The following VAT1L variants were observed in gnomAD, a reference collection of about 807,000 sequenced individuals.
VAT1L encodes the protein putative NADPH-dependent quinone oxidoreductase VAT1L.
VAT1L carries 34 observed loss-of-function variants against 44.1 expected under a neutral mutation model. The observed-to-expected ratio is 0.77, with a 90% CI of 0.59 to 1.03. The LOEUF (loss-of-function observed/expected upper bound fraction) is 1.03, where lower values mean the gene tolerates loss of function less well. VAT1L is among the 50% of genes least tolerant of loss of function. VAT1L has a pLI of 0.00. For synonymous variants in VAT1L, 253 were observed against 202.2 expected (o/e 1.25, Z -2.13); for missense variants, 615 against 538.8 (o/e 1.14, Z -1.40).
At chr16:77,912,382 T>C (rs2017507911) in intron 7 of VAT1L, among the ~76,000 whole-genome samples, 1 of 151,896 alleles carries the variant, frequency 6.6e-6, no homozygotes, top group African/African-American at 2.4e-5. Flanking sequence ...AATGGGAAAA[T>C]GTTAATAATG....
chr16:77,975,633 G>A (rs868388606), intron 8 of VAT1L, among the ~76,000 whole-genome samples: 7 of 152,366 alleles, frequency 4.6e-5, no homozygotes, highest in African/African-American at 1.7e-4. Flanking sequence ...GGCAGGGGAA[G>A]TCGACTGCTA....
At chr16:77,944,269 TA>T (rs2017931286) in intron 7 of VAT1L, among the ~76,000 whole-genome samples, 1 of 152,162 alleles carries the variant, frequency 6.6e-6, no homozygotes, top group Non-Finnish European at 1.5e-5. Context: ...TTGGTCCCTC[TA>T]AAAGATGTGT....
chr16:77,885,239 G>A (rs1036368773), intron 7 of VAT1L, among the ~76,000 whole-genome samples: 2 of 152,212 alleles, frequency 1.3e-5, no homozygotes, highest in African/African-American at 4.8e-5. Context: ...TAGCTATCAC[G>A]ATGGACTTTG....
intron 5 of VAT1L, among the ~76,000 whole-genome samples, chr16:77,878,754 T>C (rs1016234196): frequency 6.6e-6 from 1 of 152,102 alleles, no homozygotes; most frequent in African/African-American, 2.4e-5. Flanking sequence ...AGGTACCCAG[T>C]CCAGGTCAGA....
At chr16:77,842,516 A>G (rs1438255468) in intron 3 of VAT1L, among the ~76,000 whole-genome samples, 1 of 152,220 alleles carries the variant, frequency 6.6e-6, no homozygotes, top group African/African-American at 2.4e-5. Context: ...TGGGGGAATG[A>G]TAGGTTAGCA....
chr16:77,946,430 C>A (rs908633347), intron 7 of VAT1L, among the ~76,000 whole-genome samples: 15 of 151,504 alleles, frequency 9.9e-5, no homozygotes, highest in Admixed American at 2.6e-4. Context: ...ACTATAGGCA[C>A]CCGCCACCAC....
At chr16:77,898,555 G>T (rs1180140434) in intron 7 of VAT1L, among the ~76,000 whole-genome samples, 4 of 152,142 alleles carry the variant, frequency 2.6e-5, no homozygotes, top group Non-Finnish European at 4.4e-5. Context: ...GTGAAATGAA[G>T]ATGATAGCAG....
intron 7 of VAT1L, among the ~76,000 whole-genome samples, chr16:77,940,943 C>T (rs1222058324): frequency 6.6e-6 from 1 of 152,150 alleles, no homozygotes; most frequent in Non-Finnish European, 1.5e-5. Context: ...GAACACATCC[C>T]TCTCCCTTTT....
At chr16:77,799,253 C>T (rs576384996) in intron 1 of VAT1L, among the ~76,000 whole-genome samples, 1 of 142,962 alleles carries the variant, frequency 7.0e-6, no homozygotes, top group African/African-American at 2.6e-5. Flanking sequence ...CTCCCTCCCT[C>T]CCCTCCCCTC....
chr16:77,892,616 G>A, intron 7 of VAT1L: 1 of 681,826 alleles, frequency 1.5e-6, no homozygotes, highest in Non-Finnish European at 2.8e-6. Context: ...TCAAGGTGGT[G>A]ACTTCACACT....
chr16:77,959,148 C>T (rs2018135573), intron 7 of VAT1L, among the ~76,000 whole-genome samples: 1 of 152,166 alleles, frequency 6.6e-6, no homozygotes, highest in African/African-American at 2.4e-5. Context: ...CTCATCTATT[C>T]CCCACATTAT....
intron 7 of VAT1L, among the ~76,000 whole-genome samples, chr16:77,886,824 T>G (rs2017214186): frequency 6.6e-6 from 1 of 152,212 alleles, no homozygotes; most frequent in South Asian, 2.1e-4. Flanking sequence ...CTTAACTTAT[T>G]TTTCATTGTT....
rs181928723 is a variant in VAT1L, at chr16:77,912,574, T to C, written c.1077+27772T>C. Among the ~76,000 whole-genome samples, 20 of 152,296 alleles carry C rather than the reference T, an allele frequency of 1.3e-4. No homozygotes were observed. The East Asian group carries it at 3.7e-3, about 28-fold the overall frequency. Reference sequence around the variant, plus strand: ...TACTTTATGTTTATTATTATTATTTTTTACAATAGAATGAAATTTTAAAAA... The same window carrying C: ...TACTTTATGTTTATTATTATTATTTCTTACAATAGAATGAAATTTTAAAAA... On this transcript the variant is annotated intron_variant, in intron 7 of 8. Coordinates refer to ENST00000302536, the MANE Select transcript of VAT1L (RefSeq NM_020927.3).
intron 7 of VAT1L, among the ~76,000 whole-genome samples, chr16:77,936,383 C>A (rs2017796887): frequency 6.6e-6 from 1 of 152,118 alleles, no homozygotes; most frequent in Non-Finnish European, 1.5e-5. Context: ...CCTCAGTCTC[C>A]TCAAGTCACC....
At chr16:77,843,734 C>G (rs1275611124) in intron 3 of VAT1L, among the ~76,000 whole-genome samples, 1 of 152,206 alleles carries the variant, frequency 6.6e-6, no homozygotes, top group Non-Finnish European at 1.5e-5. Context: ...TACTCCCTGT[C>G]CCTGATACAA....
chr16:77,895,449 T>C (rs2017313817), intron 7 of VAT1L, among the ~76,000 whole-genome samples: 1 of 151,974 alleles, frequency 6.6e-6, no homozygotes, highest in African/African-American at 2.4e-5. Context: ...TGCAGATGGA[T>C]CCAATACAAT....
intron 7 of VAT1L, among the ~76,000 whole-genome samples, chr16:77,946,279 C>CTTTTTTCTTTTTTT (rs2017963751): frequency 1.4e-5 from 1 of 70,426 alleles, no homozygotes; most frequent in African/African-American, 5.3e-5. Flanking sequence ...GTTACTTGTT[C>CTTTTTTCTTTTTTT]TTTTTTTTTT....
intron 3 of VAT1L, among the ~76,000 whole-genome samples, chr16:77,841,185 A>T (rs941951787): frequency 6.6e-6 from 1 of 152,142 alleles, no homozygotes; most frequent in Non-Finnish European, 1.5e-5. Flanking sequence ...GGCTCAAACA[A>T]TCCTCCCACC....
Position 77,950,596 on chromosome 16 carries a change from G to A in VAT1L, c.1078-21254G>A, listed in dbSNP as rs114939332. Among the ~76,000 whole-genome samples the A allele has an allele frequency of 6.9e-3, 1,054 of 152,258 alleles. 17 individuals carry two copies. The highest frequency in any genetic ancestry group is 0.024 in the African/African-American group (982 of 41,538). On this transcript the variant is annotated intron_variant, in intron 7 of 8. Coordinates refer to ENST00000302536, the MANE Select transcript of VAT1L (RefSeq NM_020927.3). Reference sequence around the variant, plus strand: ...GAATAAGAAATTGTATGTTCAGCGTGATCTTATCATGTTAATGAGAAATGG... The same window carrying A: ...GAATAAGAAATTGTATGTTCAGCGTAATCTTATCATGTTAATGAGAAATGG...
Sources: gnomAD v4.1 joint callset for allele counts (sites outside exome capture counted in the v4.1 genomes callset) on GRCh38, gnomAD v4.1.1 for gene constraint, MANE v1.5 for transcripts, NCBI Gene and HGNC (gene_info 2026-07-23, HGNC 2026-07-21) for gene names.